The following XKR4 variants were observed in gnomAD, a reference collection of about 807,000 sequenced individuals.
XKR4 encodes the protein XK related 4.
A neutral mutation model predicts 53.9 loss-of-function variants in XKR4; 12 were observed. The ratio of observed to expected loss-of-function variants is 0.22; its 90% confidence interval spans 0.14 to 0.36. The LOEUF (loss-of-function observed/expected upper bound fraction) is 0.36, where lower values mean the gene tolerates loss of function less well. Ranked by LOEUF, XKR4 falls within the 10% of genes least tolerant of loss-of-function variation. The pLI, the probability that XKR4 is intolerant of heterozygous loss-of-function variation, is 1.00. For missense variants in XKR4, 799 were observed against 859.5 expected, an observed-to-expected ratio of 0.93 and a Z score of 0.88; for synonymous variants, 354 against 362.4, an observed-to-expected ratio of 0.98 and a Z score of 0.26.
chr8:55,245,808 A>G lies in XKR4; in HGVS notation c.807-111870A>G, dbSNP rs74683657. Among the ~76,000 whole-genome samples, 1,446 of 152,178 alleles carry G rather than the reference A, an allele frequency of 9.5e-3. 18 individuals are homozygous for G. Among genetic ancestry groups the G allele is most frequent in the Middle Eastern group, 0.031 (9 of 294 alleles). On this transcript the variant is annotated intron_variant, in intron 1 of 2. Transcript: ENST00000327381. ...AACTGTGTCTTAGAAATGCCTCCCAATGTAGGCTGGGTGCCATGGCTCATG... is the reference window on the plus strand; with the variant it reads ...AACTGTGTCTTAGAAATGCCTCCCAGTGTAGGCTGGGTGCCATGGCTCATG...
At chr8:55,265,800 G>C (rs1818591756) in intron 1 of XKR4, among the ~76,000 whole-genome samples, 1 of 151,670 alleles carries the variant, frequency 6.6e-6, no homozygotes, top group Non-Finnish European at 1.5e-5. Context: ...TCAACATGGT[G>C]AAACCATGTC....
chr8:55,449,361 C>G (rs2129395954), intron 2 of XKR4: 1 of 593,054 alleles, frequency 1.7e-6, no homozygotes, highest in Admixed American at 2.9e-5. Context: ...GGGGCAGGGA[C>G]TAGGGCTGTA....
chr8:55,344,453 T>G (rs537317499), intron 1 of XKR4, among the ~76,000 whole-genome samples: 11 of 151,942 alleles, frequency 7.2e-5, no homozygotes, highest in Non-Finnish European at 1.2e-4. Flanking sequence ...CTGTCTGTTT[T>G]TTTTTTTTTT....
intron 1 of XKR4, among the ~76,000 whole-genome samples, chr8:55,150,584 C>G (rs1464780135): frequency 1.3e-5 from 2 of 152,214 alleles, no homozygotes; most frequent in Admixed American, 6.5e-5. Context: ...CTCCCTATAA[C>G]TGCACCTGTC....
intron 2 of XKR4, among the ~76,000 whole-genome samples, chr8:55,515,903 C>G (rs1806705591): frequency 6.6e-6 from 1 of 152,152 alleles, no homozygotes; most frequent in Admixed American, 6.5e-5. Flanking sequence ...TTGAGATGTC[C>G]CTGCACTTGT....
chr8:55,534,363 CTTTTTTTTTT>C lies in XKR4; in HGVS notation c.*10155_*10164del, dbSNP rs1160872780. 4 of 47,162 alleles carry C rather than the reference CTTTTTTTTTT, an allele frequency of 8.5e-5. No individual in the cohort carries two copies. The highest frequency in any genetic ancestry group is 1.4e-3 in the South Asian group (1 of 734). 2.9% of individuals were successfully genotyped at this position (47,162 alleles called of 1,614,324 possible). On this transcript the variant is annotated 3_prime_UTR_variant, in exon 3 of 3. Transcript: ENST00000327381. ...GCTCAAAGATCACGAATCTGATATT[CTTTTTTTTTT>C]TTTTTTTTTTTTTTTTTTGAGACAG... is the stretch of plus-strand genomic sequence containing the variant.
At chr8:55,486,173 G>A (rs1236616968) in intron 2 of XKR4, among the ~76,000 whole-genome samples, 2 of 152,112 alleles carry the variant, frequency 1.3e-5, no homozygotes, top group South Asian at 2.1e-4. Context: ...GTATAAGTGC[G>A]CATCACTTTG....
At position 55,288,574 on chromosome 8, in the gene XKR4, A is replaced by G. The variant is rs531817348; in HGVS notation, c.807-69104A>G. On this transcript the variant is annotated intron_variant, in intron 1 of 2. Transcript: ENST00000327381. ...TACTTGGAGAATATTTAAGCTCAGT[A>G]CAGAGCAAAGTGTTTTTAAAGCAAA... 3.3e-5 allele frequency among the ~76,000 whole-genome samples: 5 copies of G among 152,372 alleles called. No individual in the cohort carries two copies. The South Asian group carries it at 1.0e-3, about 32-fold the overall frequency.
chr8:55,414,242 C>T (rs1425589807), intron 2 of XKR4, among the ~76,000 whole-genome samples: 3 of 152,180 alleles, frequency 2.0e-5, no homozygotes, highest in Non-Finnish European at 4.4e-5. Flanking sequence ...AGTTGCCTAA[C>T]TGTTCCTTGG....
At chr8:55,498,899 T>C (rs781636234) in intron 2 of XKR4, among the ~76,000 whole-genome samples, 3 of 152,230 alleles carry the variant, frequency 2.0e-5, no homozygotes, top group Non-Finnish European at 2.9e-5. Flanking sequence ...GTTTCCACTT[T>C]GTAGATGAGG....
Position 55,460,941 on chromosome 8 carries a change from C to T in XKR4, c.1007-62340C>T, listed in dbSNP as rs1270187123. ...GGCAGCGAGGCTGGGGGAGGGGCAC[C>T]CGCCATTGCTCAGGCTTGAGTAGGT... On this transcript the variant is annotated intron_variant, in intron 2 of 2. Transcript: ENST00000327381. Among the ~76,000 whole-genome samples the T allele has an allele frequency of 3.9e-5, 6 of 152,360 alleles. No homozygotes were observed. In the East Asian group the frequency reaches 1.2e-3, roughly 29 times the overall value.
intron 2 of XKR4, among the ~76,000 whole-genome samples, chr8:55,426,324 A>G (rs1040725142): frequency 3.3e-5 from 5 of 151,758 alleles, no homozygotes; most frequent in Admixed American, 6.6e-5. Flanking sequence ...CTGCTCAAGT[A>G]TTTTCTTCTC....
chr8:55,467,959 T>C (rs995294058), intron 2 of XKR4, among the ~76,000 whole-genome samples: 2 of 152,186 alleles, frequency 1.3e-5, no homozygotes, highest in Admixed American at 6.5e-5. Flanking sequence ...ACTTATGCCA[T>C]GTAAAAATTT....
At chr8:55,450,467 C>A in intron 2 of XKR4, 1 of 599,006 alleles carries the variant, frequency 1.7e-6, no homozygotes, top group South Asian at 1.7e-5. Flanking sequence ...CTGGCTCCTG[C>A]GCTGCCCCTT....
At chr8:55,161,692 C>T (rs1340555945) in intron 1 of XKR4, 1 of 450,730 alleles carries the variant, frequency 2.2e-6, no homozygotes, top group East Asian at 7.0e-5. Flanking sequence ...TACCTGCCTA[C>T]TGGTCACTGA....
intron 2 of XKR4, among the ~76,000 whole-genome samples, chr8:55,406,839 G>C (rs909067780): frequency 2.0e-5 from 3 of 152,166 alleles, no homozygotes; most frequent in African/African-American, 7.2e-5. Context: ...GAATGAAAAA[G>C]TGAGACTCTA....
Position 55,261,314 on chromosome 8 carries a change from A to G in XKR4, c.807-96364A>G, listed in dbSNP as rs55955139. On this transcript the variant is annotated intron_variant, in intron 1 of 2. Coordinates refer to ENST00000327381, the MANE Select transcript of XKR4 (RefSeq NM_052898.2). ...TACCCCCAAATTCTTCAAAGACCTA[A>G]TATCCTAGACCTAGCCATATATAGA... is the stretch of plus-strand genomic sequence containing the variant. 3.7e-3 allele frequency among the ~76,000 whole-genome samples: 557 copies of G among 152,320 alleles called. 4 individuals carry two copies. The highest frequency in any genetic ancestry group is 0.012 in the African/African-American group (504 of 41,570).
At chr8:55,208,093 G>C (rs1817676081) in intron 1 of XKR4, among the ~76,000 whole-genome samples, 1 of 152,116 alleles carries the variant, frequency 6.6e-6, no homozygotes, top group South Asian at 2.1e-4. Flanking sequence ...ATGATGTTTT[G>C]ACAGACATAT....
chr8:55,123,239 A>G (rs1473338628), intron 1 of XKR4, among the ~76,000 whole-genome samples: 2 of 152,348 alleles, frequency 1.3e-5, no homozygotes, highest in South Asian at 2.1e-4. Context: ...TATTGATTGA[A>G]TGAATGAAAT....
Sources: allele counts gnomAD v4.1 joint callset (sites outside exome capture counted in the v4.1 genomes callset), GRCh38; gene constraint gnomAD v4.1.1; transcripts MANE v1.5; gene names NCBI Gene and HGNC (gene_info 2026-07-23, HGNC 2026-07-21).